Variants in ABCC8 observed in about 807,000 individuals in gnomAD.
The protein encoded by ABCC8 is ATP-binding cassette sub-family C member 8.
In ABCC8, 137 loss-of-function variants were observed where a neutral mutation model predicts 188.0. The ratio of observed to expected loss-of-function variants is 0.73; its 90% confidence interval spans 0.63 to 0.84. ABCC8 has a LOEUF of 0.84. Among genes scored for constraint, ABCC8 ranks in the 40% least tolerant of loss-of-function variants. The probability of loss-of-function intolerance (pLI) is 0.00; values close to 1 mark genes in which losing one functional copy is unlikely to be tolerated. For synonymous variants in ABCC8, 797 were observed against 846.5 expected, an observed-to-expected ratio of 0.94 and a Z score of 1.01; for missense variants, 1,750 against 2,072.7, an observed-to-expected ratio of 0.84 and a Z score of 3.02.
intron 24 of ABCC8, 97 bp downstream of exon 24, chr11:17,407,257 C>A: frequency 6.2e-7 from 1 of 1,610,408 alleles, no homozygotes; most frequent in Non-Finnish European, 8.5e-7. Flanking sequence ...TAATCAAAGG[C>A]ACACTACTGC....
At chr11:17,476,497 C>T in intron 1 of ABCC8, 132 bp downstream of exon 1, 1 of 1,137,678 alleles carries the variant, frequency 8.8e-7, no homozygotes, top group Non-Finnish European at 1.2e-6. Flanking sequence ...GGACACAGGG[C>T]AGGGGACCCC....
In ABCC8 at chr11:17,428,016, C is replaced by T. The variant is rs1451191080; in HGVS notation, c.2041-74G>A. 1.9e-6 allele frequency: 3 copies of T among 1,588,868 alleles called. No homozygotes were observed. The African/African-American group carries it at 4.0e-5, about 21-fold the overall frequency. On this transcript the variant is annotated intron_variant, in intron 14 of 38. Transcript: ENST00000389817. ...GTTCCCAGTGAATAGTCTCTGGCTTCCCCTCCTCCATGAAAGCCAAAAGAC... is the reference window on the plus strand; with the variant it reads ...GTTCCCAGTGAATAGTCTCTGGCTTTCCCTCCTCCATGAAAGCCAAAAGAC...
intron 23 of ABCC8, 178 bp downstream of exon 23, chr11:17,408,214 G>A (rs1046915424): frequency 1.7e-5 from 10 of 605,142 alleles, no homozygotes; most frequent in East Asian, 5.6e-5. Flanking sequence ...TTCTGCCCTG[G>A]GCACCTGGCA....
intron 1 of ABCC8, 109 bp downstream of exon 1, chr11:17,476,520 G>C: frequency 7.2e-7 from 1 of 1,383,470 alleles, no homozygotes; most frequent in South Asian, 1.4e-5. Context: ...GAACGAGGCG[G>C]ACGGCGGTCG....
intron 17 of ABCC8, among the ~76,000 whole-genome samples, chr11:17,415,649 G>A (rs566324070): frequency 5.9e-5 from 9 of 152,322 alleles, no homozygotes; most frequent in South Asian, 2.1e-4. Context: ...TATGAAGCCC[G>A]CAATGTGGCT....
chr11:17,450,284 T>C (rs1001909491), intron 7 of ABCC8, among the ~76,000 whole-genome samples: 1 of 136,828 alleles, frequency 7.3e-6, no homozygotes, highest in Non-Finnish European at 1.5e-5. Context: ...CTTTCTTTCT[T>C]TCTTTCTTTC....
chr11:17,473,993 T>C (rs1267111159), intron 2 of ABCC8, among the ~76,000 whole-genome samples: 1 of 152,184 alleles, frequency 6.6e-6, no homozygotes, highest in Non-Finnish European at 1.5e-5. Flanking sequence ...TCCCTAGCCC[T>C]ACCTGCTTTT....
At chr11:17,450,298 CTTTCT>C in intron 7 of ABCC8, among the ~76,000 whole-genome samples, 1 of 134,110 alleles carries the variant, frequency 7.5e-6, no homozygotes, top group Non-Finnish European at 1.5e-5. Flanking sequence ...TTCTTTCTTT[CTTTCT>C]TTCTTTCTTT....
At position 17,402,652 on chromosome 11, in the gene ABCC8, G is replaced by C; in HGVS notation, c.3650+9C>G. On this transcript the variant is annotated intron_variant, in intron 29 of 38. Transcript: ENST00000389817. ...TCCACTCCTACCTTGGGGGAATGTG[G>C]ACTCGTACCTGAAGGCCCGGATGGT... 6.2e-7 allele frequency: 1 copy of C among 1,614,260 alleles called. No individual in the cohort carries two copies. The highest frequency in any genetic ancestry group is 1.1e-5 in the South Asian group (1 of 91,084).
chr11:17,475,031 C>A lies in ABCC8; in HGVS notation c.149-4G>T. Reference sequence around the variant, plus strand: ...TTGGAGCTCTGACTTCCCCATCCTGCAGGGAGAGACAGTCAGAGGCAGGAT... The same window carrying A: ...TTGGAGCTCTGACTTCCCCATCCTGAAGGGAGAGACAGTCAGAGGCAGGAT... On this transcript the variant is annotated splice_region_variant and splice_polypyrimidine_tract_variant and intron_variant, in intron 1 of 38. Transcript: ENST00000389817. 6.2e-7 allele frequency: 1 copy of A among 1,614,096 alleles called. No individual in the cohort carries two copies. The highest frequency in any genetic ancestry group is 8.5e-7 in the Non-Finnish European group (1 of 1,180,002).
chr11:17,444,021 A>AAGAGAGAGAG (rs112019394), intron 8 of ABCC8, among the ~76,000 whole-genome samples: 8 of 150,860 alleles, frequency 5.3e-5, no homozygotes, highest in African/African-American at 1.7e-4. Context: ...CTTAGCTAAA[A>AAGAGAGAGAG]AGAGAGAGAG....
At chr11:17,403,513 T>A (rs977981727) in intron 28 of ABCC8, among the ~76,000 whole-genome samples, 2 of 152,182 alleles carry the variant, frequency 1.3e-5, no homozygotes, top group African/African-American at 4.8e-5. Context: ...CCATTCTGGA[T>A]CATCCAAGCA....
intron 2 of ABCC8, among the ~76,000 whole-genome samples, chr11:17,473,941 T>A (rs562005202): frequency 7.4e-4 from 113 of 152,270 alleles, no homozygotes; most frequent in Non-Finnish European, 1.1e-3. Flanking sequence ...TCAGCCTCCA[T>A]CGCTCCCCAG....
Position 17,415,318 on chromosome 11 carries a change from G to T in ABCC8, c.2277C>A (p.Thr759=), listed in dbSNP as rs1801261. The T allele has an allele frequency of 4.3e-6, 7 of 1,610,124 alleles. No individual in the cohort carries two copies. Among genetic ancestry groups the T allele is most frequent in the Non-Finnish European group, 5.9e-6 (7 of 1,178,828 alleles). The change falls in exon 18 of 39, where the codon ACC becomes ACA. Residue 759 remains threonine, a synonymous_variant. Coordinates refer to ENST00000389817, the MANE Select transcript of ABCC8 (RefSeq NM_000352.6). ...EDPSPERETA[T]DLDIRKRGPV... Reference sequence around the variant, plus strand: ...GGACGCAGTACCTGATATCCAAGTCGGTCGCTGTCTCCCGCTCTGGGCTGC... The same window carrying T: ...GGACGCAGTACCTGATATCCAAGTCTGTCGCTGTCTCCCGCTCTGGGCTGC...
At position 17,474,979 on chromosome 11, in the gene ABCC8, A is replaced by G. The variant is rs1295972947; in HGVS notation, c.197T>C (p.Leu66Pro). 6.2e-7 allele frequency: 1 copy of G among 1,614,056 alleles called. No individual in the cohort carries two copies. The highest frequency in any genetic ancestry group is 8.5e-7 in the Non-Finnish European group (1 of 1,180,036). ...CCGCAGGTTGTGCCCAGGGAAATGA[A>G]GCCATGTGCTGTGGTGGATGTGCAC... ...SKVHIHHSTW[L>P]HFPGHNLRWI... The change falls in exon 2 of 39, where the codon CTT (leucine) becomes CCT (proline). Residue 66 changes from leucine (L) to proline (P), a missense_variant. Coordinates refer to ENST00000389817, the MANE Select transcript of ABCC8 (RefSeq NM_000352.6).
intron 16 of ABCC8, among the ~76,000 whole-genome samples, chr11:17,422,926 C>T (rs559039604): frequency 2.0e-5 from 3 of 152,174 alleles, no homozygotes; most frequent in African/African-American, 7.2e-5. Context: ...CCCATCCCTG[C>T]CTTTTCTACT....
In ABCC8 at chr11:17,453,268, C is replaced by A; in HGVS notation, c.1027G>T (p.Val343Phe). The change falls in exon 7 of 39, where the codon GTT (valine) becomes TTT (phenylalanine). Residue 343 changes from valine to phenylalanine, a missense_variant. Coordinates refer to ENST00000389817, the MANE Select transcript of ABCC8 (RefSeq NM_000352.6). ...VFQPKTQFLG[V>F]YFVSSQEFLA... is the part of the protein sequence containing the mutation. ...AACTCTTGGGATGAGACAAAGTAAA[C>A]CCCGAGAAATTGTGTCTGTTGGAAA... 5 of 1,614,098 alleles carry A rather than the reference C, an allele frequency of 3.1e-6. No individual in the cohort carries two copies. The highest frequency in any genetic ancestry group is 4.2e-6 in the Non-Finnish European group (5 of 1,180,032).
Position 17,406,708 on chromosome 11 carries a change from C to A in ABCC8, c.3243G>T (p.Thr1081=), listed in dbSNP as rs771538281. 2 of 1,614,190 alleles carry A rather than the reference C, an allele frequency of 1.2e-6. No individual in the cohort carries two copies. The highest frequency in any genetic ancestry group is 1.7e-6 in the Non-Finnish European group (2 of 1,180,032). The change falls in exon 26 of 39, where the codon ACG becomes ACT. Residue 1081 remains threonine, a synonymous_variant. Coordinates refer to ENST00000389817, the MANE Select transcript of ABCC8 (RefSeq NM_000352.6). ...GCCCTGTCCACTCCACAGTGACAGA[C>A]GTGACGAGGCACAGCACAATGCCCA... ...CSLGIVLCLV[T]SVTVEWTGLK...
Position 17,393,145 on chromosome 11 carries a change from G to A in ABCC8, c.4609-17C>T, listed in dbSNP as rs751194964. 36 of 1,613,162 alleles carry A rather than the reference G, an allele frequency of 2.2e-5. No homozygotes were observed. Among genetic ancestry groups the A allele is most frequent in the Admixed American group, 3.3e-5 (2 of 59,990 alleles). On this transcript the variant is annotated splice_polypyrimidine_tract_variant and intron_variant, in intron 38 of 38. Coordinates refer to ENST00000389817, the MANE Select transcript of ABCC8 (RefSeq NM_000352.6). ...CACTCGATGCTGGGCAGGGCAGGAG[G>A]GGGCGGGTCAGGATGGTGGGAATAC... is the stretch of plus-strand genomic sequence containing the variant.
Sources: allele counts gnomAD v4.1 joint callset (sites outside exome capture counted in the v4.1 genomes callset), GRCh38; gene constraint gnomAD v4.1.1; transcripts MANE v1.5; gene names NCBI Gene and HGNC (gene_info 2026-07-23, HGNC 2026-07-21).